HSD17B11: variants seen among roughly 807,000 people sequenced by gnomAD.
HSD17B11 encodes the protein hydroxysteroid 17-beta dehydrogenase 11, also known as estradiol 17-beta-dehydrogenase 11.
Under a neutral mutation model 27.8 loss-of-function variants are expected in HSD17B11, and 22 were observed. That is an observed-to-expected ratio of 0.79 (90% confidence interval 0.56 to 1.13). The LOEUF is 1.13. HSD17B11 is among the 50% of genes most tolerant of loss of function. The pLI, the probability that HSD17B11 is intolerant of heterozygous loss-of-function variation, is 0.00. For missense variants in HSD17B11, 314 were observed against 351.1 expected (o/e 0.89, Z 0.84); for synonymous variants, 117 against 132.8 (o/e 0.88, Z 0.82).
At chr4:87,354,949 C>CA (rs11305478) in intron 5 of HSD17B11, among the ~76,000 whole-genome samples, 14,924 of 91,766 alleles carry the variant, frequency 0.16, 1,116 homozygotes, top group East Asian at 0.33. Context: ...TCCTGGCTCT[C>CA]AAAAAAAAAA....
chr4:87,341,521 C>G (rs1258096387), intron 5 of HSD17B11, among the ~76,000 whole-genome samples: 1 of 152,068 alleles, frequency 6.6e-6, no homozygotes, highest in Non-Finnish European at 1.5e-5. Context: ...TGTAATCACT[C>G]AAGTATATGT....
intron 2 of HSD17B11, among the ~76,000 whole-genome samples, chr4:87,375,647 A>G (rs1735807328): frequency 6.6e-6 from 1 of 152,224 alleles, no homozygotes; most frequent in Non-Finnish European, 1.5e-5. Context: ...AGGCTGAGGC[A>G]GGAGAATCGC....
chr4:87,391,129 CT>C lies in HSD17B11; in HGVS notation c.-60del. ...TTTTTTTTTTTACCACTCTAAACTG[CT>C]TTTAGAGGGTAGCTCGATCTAACAC... On this transcript the variant is annotated 5_prime_UTR_variant, in exon 1 of 7. Transcript: ENST00000358290. 7.8e-7 allele frequency: 1 copy of C among 1,286,960 alleles called. No homozygotes were observed. Among genetic ancestry groups the C allele is most frequent in the Non-Finnish European group, 1.1e-6 (1 of 924,002 alleles). 79.7% of individuals were successfully genotyped at this position (1,286,960 alleles called of 1,614,324 possible). A position where few individuals can be genotyped will look rare whatever the true frequency, so the allele number is the denominator to read the frequency against.
At chr4:87,381,203 AAAAAG>A (rs1310571740) in intron 2 of HSD17B11, among the ~76,000 whole-genome samples, 31 of 140,350 alleles carry the variant, frequency 2.2e-4, no homozygotes, top group Non-Finnish European at 3.8e-4. Flanking sequence ...AAAAAAAAAA[AAAAAG>A]AACTCAAACC....
intron 2 of HSD17B11, among the ~76,000 whole-genome samples, chr4:87,378,839 T>A (rs1307167108): frequency 3.1e-5 from 1 of 32,372 alleles, no homozygotes; most frequent in East Asian, 5.6e-4. Context: ...TAAATATATA[T>A]ATATAAATAT....
chr4:87,365,878 T>C (rs1433321131), intron 4 of HSD17B11: 2 of 151,666 alleles, frequency 1.3e-5, no homozygotes, highest in South Asian at 2.1e-4. Flanking sequence ...TTTTTTTAGA[T>C]GGAGTTTTGT....
chr4:87,378,833 TATATATATATAA>T (rs1278104566), intron 2 of HSD17B11, among the ~76,000 whole-genome samples: 783 of 15,576 alleles, frequency 0.05, 71 homozygotes, highest in African/African-American at 0.26. Flanking sequence ...TATATATAAA[TATATATATATAA>T]ATATATATAT....
chr4:87,382,143 C>G (rs1720188475), intron 2 of HSD17B11, 112 bp downstream of exon 2: 1 of 775,276 alleles, frequency 1.3e-6, no homozygotes, highest in Admixed American at 2.1e-5. Context: ...TAACCTTGGT[C>G]AAATAACAAC....
chr4:87,376,525 C>CA (rs1162495042), intron 2 of HSD17B11, among the ~76,000 whole-genome samples: 1 of 137,284 alleles, frequency 7.3e-6, no homozygotes, highest in East Asian at 2.0e-4. Context: ...AAAAAAAACC[C>CA]AAAAAACAAA....
In HSD17B11 at chr4:87,391,171, C is replaced by A; in HGVS notation, c.-101G>T. On this transcript the variant is annotated 5_prime_UTR_variant, in exon 1 of 7. Coordinates refer to ENST00000358290, the MANE Select transcript of HSD17B11 (RefSeq NM_016245.5). ...GATCTAACACCAGAAAGAGTAGGGGCGAGAGCAAGGAGGAACTCCCGTATC... is the reference window on the plus strand; with the variant it reads ...GATCTAACACCAGAAAGAGTAGGGGAGAGAGCAAGGAGGAACTCCCGTATC... 2 of 831,170 alleles carry A rather than the reference C, an allele frequency of 2.4e-6. No individual in the cohort carries two copies. Among genetic ancestry groups the A allele is most frequent in the Non-Finnish European group, 3.7e-6 (2 of 536,020 alleles). The allele number at this position is 831,170 out of a possible 1,614,324, so 51.5% of individuals were successfully genotyped here.
rs1316004424 is a variant in HSD17B11, at chr4:87,380,832, T to C, written c.318+1423A>G. Among the ~76,000 whole-genome samples the C allele has an allele frequency of 8.2e-5, 10 of 121,266 alleles. No individual in the cohort carries two copies. In the Admixed American group the frequency reaches 9.6e-4, roughly 12 times the overall value. The allele number at this position is 121,266 out of a possible 152,430, so 79.6% of individuals were successfully genotyped here. A position where few individuals can be genotyped will look rare whatever the true frequency, so the allele number is the denominator to read the frequency against. ...GAGATCGCACCACTGCACTCCAGCCTGGGCGACAAAGCTAGAGCTAGACTC... is the reference window on the plus strand; with the variant it reads ...GAGATCGCACCACTGCACTCCAGCCCGGGCGACAAAGCTAGAGCTAGACTC... On this transcript the variant is annotated intron_variant, in intron 2 of 6. Transcript: ENST00000358290.
intron 5 of HSD17B11, among the ~76,000 whole-genome samples, chr4:87,343,187 A>T (rs1311033564): frequency 6.6e-6 from 1 of 152,188 alleles, no homozygotes; most frequent in East Asian, 1.9e-4. Flanking sequence ...TTCTTATTGA[A>T]ATACAATGAC....
intron 1 of HSD17B11, among the ~76,000 whole-genome samples, chr4:87,387,700 TA>T (rs1720356382): frequency 6.6e-6 from 1 of 152,242 alleles, no homozygotes; most frequent in African/African-American, 2.4e-5. Flanking sequence ...CCTCATATGT[TA>T]TCATGTAATT....
At chr4:87,353,582 G>A (rs965395988) in intron 5 of HSD17B11, among the ~76,000 whole-genome samples, 1 of 152,088 alleles carries the variant, frequency 6.6e-6, no homozygotes, top group Admixed American at 6.5e-5. Flanking sequence ...AATCATCTTA[G>A]CCTCTTTTCA....
chr4:87,365,221 T>C (rs56141705), intron 4 of HSD17B11, among the ~76,000 whole-genome samples: 23,977 of 152,136 alleles, frequency 0.16, 2,021 homozygotes, highest in Admixed American at 0.19. Context: ...GAATCTTCTA[T>C]TTATAGTGTA....
At chr4:87,378,885 T>TATATAA (rs1720020841) in intron 2 of HSD17B11, among the ~76,000 whole-genome samples, 1 of 14,124 alleles carries the variant, frequency 7.1e-5, no homozygotes, top group African/African-American at 4.1e-4. Context: ...TATATAAATA[T>TATATAA]ATATATATAA....
chr4:87,384,059 T>A (rs776643400), intron 1 of HSD17B11, among the ~76,000 whole-genome samples: 1 of 152,164 alleles, frequency 6.6e-6, no homozygotes. Context: ...ATTAGTAGCT[T>A]GCATAGTGAA....
chr4:87,381,634 C>T (rs909873762), intron 2 of HSD17B11, among the ~76,000 whole-genome samples: 4 of 151,572 alleles, frequency 2.6e-5, no homozygotes, highest in African/African-American at 9.7e-5. Flanking sequence ...TGGCACACAC[C>T]TGTGGTCCCA....
intron 1 of HSD17B11, among the ~76,000 whole-genome samples, chr4:87,384,297 T>C (rs1720248435): frequency 6.6e-6 from 1 of 152,216 alleles, no homozygotes; most frequent in Non-Finnish European, 1.5e-5. Flanking sequence ...TCAGGACCAC[T>C]GTGATAATTG....
Sources: allele counts gnomAD v4.1 joint callset (sites outside exome capture counted in the v4.1 genomes callset), GRCh38; gene constraint gnomAD v4.1.1; transcripts MANE v1.5; gene names NCBI Gene and HGNC (gene_info 2026-07-23, HGNC 2026-07-21).